The following CDC27 variants were observed in gnomAD, a reference collection of about 807,000 sequenced individuals.
CDC27 encodes cell division cycle protein 27 homolog.
CDC27 carries 27 observed loss-of-function variants against 109.7 expected under a neutral mutation model. The observed-to-expected ratio is 0.25, with a 90% CI of 0.18 to 0.34. The LOEUF is 0.34. Ranked by LOEUF, CDC27 falls within the 10% of genes least tolerant of loss-of-function variation. The pLI is 1.00. For missense variants in CDC27, 579 were observed against 960.2 expected (o/e 0.60, Z 5.25); for synonymous variants, 266 against 333.9 (o/e 0.80, Z 2.22).
chr17:47,130,053 G>A (rs1026423796), intron 15 of CDC27, among the ~76,000 whole-genome samples: 1 of 151,856 alleles, frequency 6.6e-6, no homozygotes, highest in Non-Finnish European at 1.5e-5. Flanking sequence ...CAATATTTTA[G>A]GAATTTATTT....
intron 2 of CDC27, among the ~76,000 whole-genome samples, chr17:47,177,357 A>G (rs960102481): frequency 1.3e-4 from 20 of 152,204 alleles, no homozygotes; most frequent in African/African-American, 4.3e-4. Flanking sequence ...TGGACAGATC[A>G]CTTGAGGCTA....
chr17:47,163,073 ACAC>A (rs1269870052), intron 4 of CDC27, among the ~76,000 whole-genome samples: 123 of 152,314 alleles, frequency 8.1e-4, no homozygotes, highest in African/African-American at 2.8e-3. Context: ...ATTGAGTGAT[ACAC>A]ACAAAACCCA....
intron 4 of CDC27, among the ~76,000 whole-genome samples, chr17:47,162,793 TATA>T (rs888234682): frequency 4.6e-5 from 7 of 152,206 alleles, no homozygotes; most frequent in Admixed American, 1.3e-4. Context: ...GGCTGATTTT[TATA>T]ATGAGTAATT....
intron 6 of CDC27, 44 bp downstream of exon 6, chr17:47,157,186 G>A (rs772737513): frequency 1.3e-6 from 2 of 1,563,848 alleles, no homozygotes; most frequent in Admixed American, 1.8e-5. Context: ...ATCATTCTTT[G>A]TAGTTTTCAT....
At chr17:47,126,031 T>C (rs1386251034) in intron 16 of CDC27, among the ~76,000 whole-genome samples, 1 of 152,182 alleles carries the variant, frequency 6.6e-6, no homozygotes, top group Admixed American at 6.6e-5. Flanking sequence ...AGAAATAGTG[T>C]CTCACATAGC....
intron 1 of CDC27, among the ~76,000 whole-genome samples, chr17:47,182,048 T>C (rs1031469625): frequency 6.6e-6 from 1 of 152,190 alleles, no homozygotes; most frequent in Non-Finnish European, 1.5e-5. Flanking sequence ...CATAACATGG[T>C]TATTTGTTAA....
chr17:47,182,294 T>C (rs772202286), intron 1 of CDC27, among the ~76,000 whole-genome samples: 1 of 152,224 alleles, frequency 6.6e-6, no homozygotes, highest in Non-Finnish European at 1.5e-5. Context: ...TTTTCTCTTT[T>C]AGAATTACAA....
At chr17:47,140,137 C>T (rs990870380) in intron 12 of CDC27, among the ~76,000 whole-genome samples, 2 of 152,120 alleles carry the variant, frequency 1.3e-5, no homozygotes, top group Admixed American at 6.5e-5. Flanking sequence ...ATAGGAATAG[C>T]TTAACGATTT....
chr17:47,181,088 C>CAA (rs2064206575), intron 2 of CDC27, among the ~76,000 whole-genome samples: 1 of 142,646 alleles, frequency 7.0e-6, no homozygotes, highest in African/African-American at 2.6e-5. Flanking sequence ...CCTATCTCTA[C>CAA]CAAAAAAAAA....
At chr17:47,176,372 TG>T (rs2064006393) in intron 2 of CDC27, among the ~76,000 whole-genome samples, 1 of 152,238 alleles carries the variant, frequency 6.6e-6, no homozygotes, top group African/African-American at 2.4e-5. Flanking sequence ...CTATTCTCAA[TG>T]TTTATCTTTT....
chr17:47,149,720 T>A (rs569097793), intron 9 of CDC27, among the ~76,000 whole-genome samples: 29 of 152,162 alleles, frequency 1.9e-4, no homozygotes, highest in African/African-American at 6.7e-4. Flanking sequence ...TTTGGGAGGC[T>A]GAGGCGGGTG....
rs2063764102 is a variant in CDC27 at position 47,169,905 on chromosome 17, A to T, written c.377+12T>A. 1 of 1,563,344 alleles carries T rather than the reference A, an allele frequency of 6.4e-7. No homozygotes were observed. The highest frequency in any genetic ancestry group is 1.4e-5 in the African/African-American group (1 of 71,866). ...AAATGCTTTTCTGACAGTTTGAATC[A>T]TTCTTACTTACCAATATACATGTCC... On this transcript the variant is annotated intron_variant, in intron 4 of 18. Coordinates refer to ENST00000066544, the MANE Select transcript of CDC27 (RefSeq NM_001256.6).
chr17:47,177,562 T>C (rs374665111), intron 2 of CDC27, among the ~76,000 whole-genome samples: 2 of 152,328 alleles, frequency 1.3e-5, no homozygotes. Flanking sequence ...AGGGAGACCC[T>C]ATCTGAAACA....
chr17:47,178,703 T>C (rs2064111367), intron 2 of CDC27, among the ~76,000 whole-genome samples: 1 of 152,198 alleles, frequency 6.6e-6, no homozygotes, highest in East Asian at 1.9e-4. Context: ...GTTAAACAGA[T>C]ATTTCTCTTC....
At chr17:47,154,836 A>T (rs1299149716) in intron 7 of CDC27, 50 bp from the exon 8 acceptor site, 4 of 841,616 alleles carry the variant, frequency 4.8e-6, no homozygotes, top group Non-Finnish European at 8.1e-6. Flanking sequence ...AGGCATATAT[A>T]AAGCAGCAGT....
chr17:47,174,950 T>G (rs2063938035), intron 2 of CDC27, among the ~76,000 whole-genome samples: 2 of 146,024 alleles, frequency 1.4e-5, no homozygotes, highest in African/African-American at 2.5e-5. Flanking sequence ...CGAAACTCGG[T>G]CGAAACAGGA....
In CDC27 at chr17:47,189,248, C is replaced by T. The variant is rs2064583739; in HGVS notation, c.-76G>A. On this transcript the variant is annotated 5_prime_UTR_variant, in exon 1 of 19. The change abolishes an upstream ATG in the 5' untranslated region. Transcript: ENST00000066544. ...GGCTCCGGCCCGGCCAGCCCCTGCT[C>T]ATTTAAACTCACCAGCGACCGTTAC... 3 of 1,133,564 alleles carry T rather than the reference C, an allele frequency of 2.6e-6. No individual in the cohort carries two copies. The highest frequency in any genetic ancestry group is 1.7e-5 in the Admixed American group (1 of 57,888). 70.2% of individuals were successfully genotyped at this position (1,133,564 alleles called of 1,614,324 possible). A position where few individuals can be genotyped will look rare whatever the true frequency, so the allele number is the denominator to read the frequency against.
chr17:47,153,745 T>C (rs1285864807), intron 8 of CDC27, among the ~76,000 whole-genome samples: 4 of 152,134 alleles, frequency 2.6e-5, no homozygotes, highest in African/African-American at 7.2e-5. Context: ...TTAAAAATGG[T>C]ATTTTGGCCT....
intron 9 of CDC27, among the ~76,000 whole-genome samples, chr17:47,146,647 T>G (rs1187949055): frequency 6.6e-6 from 1 of 152,222 alleles, no homozygotes; most frequent in Non-Finnish European, 1.5e-5. Context: ...AGGCTACTTT[T>G]GTCTGGACAA....
Sources: allele counts gnomAD v4.1 joint callset (sites outside exome capture counted in the v4.1 genomes callset), GRCh38; gene constraint gnomAD v4.1.1; transcripts MANE v1.5; gene names NCBI Gene and HGNC (gene_info 2026-07-23, HGNC 2026-07-21).